PRKG1: variants seen among roughly 807,000 people sequenced by gnomAD.
The protein encoded by PRKG1 is cGMP-dependent protein kinase 1.
PRKG1 carries 35 observed loss-of-function variants against 88.1 expected under a neutral mutation model. That is an observed-to-expected ratio of 0.40 (90% CI 0.30 to 0.53). The LOEUF is 0.53. Ranked by LOEUF, PRKG1 falls within the 20% of genes least tolerant of loss-of-function variation. PRKG1 has a pLI of 0.59. For missense variants in PRKG1, 540 were observed against 839.8 expected, an observed-to-expected ratio of 0.64 and a Z score of 4.41; for synonymous variants, 303 against 292.5, an observed-to-expected ratio of 1.04 and a Z score of -0.37.
At chr10:52,187,463 T>A (rs1307421878) in intron 9 of PRKG1, among the ~76,000 whole-genome samples, 2 of 152,142 alleles carry the variant, frequency 1.3e-5, no homozygotes, top group Admixed American at 1.3e-4. Flanking sequence ...GATACAAGTG[T>A]ATATTGTGAA....
At chr10:52,023,972 C>T (rs533894795) in intron 5 of PRKG1, among the ~76,000 whole-genome samples, 1 of 152,128 alleles carries the variant, frequency 6.6e-6, no homozygotes, top group South Asian at 2.1e-4. Flanking sequence ...GTGGTTTAGT[C>T]ATGAAGTCTT....
chr10:51,884,282 T>G (rs1203661794), intron 4 of PRKG1, among the ~76,000 whole-genome samples: 13 of 148,736 alleles, frequency 8.7e-5, no homozygotes. Context: ...CCGTCTCTAC[T>G]AAAAATACAA....
intron 8 of PRKG1, among the ~76,000 whole-genome samples, chr10:52,137,987 T>C (rs1837473493): frequency 6.6e-6 from 1 of 152,154 alleles, no homozygotes; most frequent in South Asian, 2.1e-4. Context: ...TAATTATTAG[T>C]AAACCTTAAA....
At chr10:51,666,961 A>T (rs1474113093) in intron 3 of PRKG1, among the ~76,000 whole-genome samples, 3 of 151,418 alleles carry the variant, frequency 2.0e-5, no homozygotes, top group Non-Finnish European at 3.0e-5. Flanking sequence ...AGCCTGGCTA[A>T]TTTTTTTTGT....
intron 3 of PRKG1, among the ~76,000 whole-genome samples, chr10:51,472,893 A>G (rs1840086030): frequency 6.6e-6 from 1 of 151,916 alleles, no homozygotes; most frequent in Non-Finnish European, 1.5e-5. Flanking sequence ...GTTTTCTCCC[A>G]GTTTAATACA....
intron 1 of PRKG1, among the ~76,000 whole-genome samples, chr10:51,128,008 T>G (rs984018319): frequency 1.6e-4 from 25 of 152,008 alleles, no homozygotes; most frequent in Non-Finnish European, 4.4e-5. Context: ...GTTTAACACA[T>G]GCAGGGCTTA....
intron 3 of PRKG1, among the ~76,000 whole-genome samples, chr10:51,743,753 T>TATATATTTATATAAATATATATAA (rs1554837644): frequency 7.9e-6 from 1 of 126,438 alleles, no homozygotes; most frequent in Non-Finnish European, 1.7e-5. Context: ...TATATATATA[T>TATATATTTATATAAATATATATAA]ATATATATAT....
In PRKG1 at chr10:51,055,359, TA is replaced by T. The variant is rs910849536; in HGVS notation, c.266+63724del. On this transcript the variant is annotated intron_variant, in intron 1 of 17. Transcript: ENST00000401604. ...TCAACAAAAATTCCTGTCCCCTCAT[TA>T]AAAAAAAATCTTAATTCCTTTCATG... Among the ~76,000 whole-genome samples, 23 of 151,198 alleles carry T rather than the reference TA, an allele frequency of 1.5e-4. No homozygotes were observed. The East Asian group carries it at 3.1e-3, about 20-fold the overall frequency.
At chr10:51,361,339 C>T (rs552046790) in intron 2 of PRKG1, among the ~76,000 whole-genome samples, 24 of 151,972 alleles carry the variant, frequency 1.6e-4, no homozygotes, top group African/African-American at 5.8e-4. Flanking sequence ...TGATTATACT[C>T]GCTTGGCATT....
intron 1 of PRKG1, among the ~76,000 whole-genome samples, chr10:51,131,600 G>GTGCA (rs1318441769): frequency 6.6e-6 from 1 of 152,012 alleles, no homozygotes; most frequent in Middle Eastern, 3.2e-3. Flanking sequence ...ACATACATAC[G>GTGCA]TGCATACATA....
chr10:51,409,106 C>T (rs183441375), intron 2 of PRKG1, among the ~76,000 whole-genome samples: 35 of 152,316 alleles, frequency 2.3e-4, no homozygotes, highest in Non-Finnish European at 4.3e-4. Flanking sequence ...CAGTTCTGCC[C>T]ACTGGGAAGA....
intron 3 of PRKG1, among the ~76,000 whole-genome samples, chr10:51,583,344 T>G (rs1838090577): frequency 6.6e-6 from 1 of 152,146 alleles, no homozygotes; most frequent in South Asian, 2.1e-4. Flanking sequence ...CGATGAAATA[T>G]TAATAGTTAA....
intron 2 of PRKG1, among the ~76,000 whole-genome samples, chr10:51,391,910 C>T (rs1837415100): frequency 6.6e-6 from 1 of 152,174 alleles, no homozygotes; most frequent in African/African-American, 2.4e-5. Flanking sequence ...TTATTTTCTC[C>T]AATGGATATT....
intron 2 of PRKG1, among the ~76,000 whole-genome samples, chr10:51,188,320 T>C (rs1034415564): frequency 6.6e-6 from 1 of 152,020 alleles, no homozygotes; most frequent in Non-Finnish European, 1.5e-5. Flanking sequence ...GCTTTTCATG[T>C]ACTTTTTCCA....
At chr10:51,738,083 T>C (rs939005343) in intron 3 of PRKG1, among the ~76,000 whole-genome samples, 1 of 152,050 alleles carries the variant, frequency 6.6e-6, no homozygotes, top group East Asian at 1.9e-4. Context: ...CTGTATTTTT[T>C]AAAAGCTCCC....
intron 2 of PRKG1, among the ~76,000 whole-genome samples, chr10:51,222,830 T>A (rs59374151): frequency 0.029 from 4,426 of 152,244 alleles, 99 homozygotes; most frequent in African/African-American, 0.055. Flanking sequence ...TCTGCAGTTT[T>A]TTCCAGGTGT....
At chr10:51,615,911 C>G (rs1019307586) in intron 3 of PRKG1, among the ~76,000 whole-genome samples, 3 of 151,848 alleles carry the variant, frequency 2.0e-5, no homozygotes, top group African/African-American at 4.8e-5. Context: ...GTGTTCTGAC[C>G]TTGATATCTG....
At chr10:51,418,337 G>A (rs1838304487) in intron 2 of PRKG1, among the ~76,000 whole-genome samples, 1 of 152,100 alleles carries the variant, frequency 6.6e-6, no homozygotes, top group Admixed American at 6.6e-5. Flanking sequence ...AAGGGATGTT[G>A]GCTGAATCAT....
intron 2 of PRKG1, among the ~76,000 whole-genome samples, chr10:51,335,368 G>A (rs1841849631): frequency 6.6e-6 from 1 of 151,976 alleles, no homozygotes; most frequent in Admixed American, 6.5e-5. Context: ...TATATGAAAG[G>A]AGGTTTTTCC....
Sources: allele counts gnomAD v4.1 joint callset (sites outside exome capture counted in the v4.1 genomes callset), GRCh38; gene constraint gnomAD v4.1.1; transcripts MANE v1.5; gene names NCBI Gene and HGNC (gene_info 2026-07-23, HGNC 2026-07-21).